Variants in ZNF782 observed in about 807,000 individuals in gnomAD.
ZNF782 encodes zinc finger protein 782.
A neutral mutation model predicts 13.0 loss-of-function variants in ZNF782; 12 were observed. The observed-to-expected ratio is 0.92, with a 90% CI of 0.59 to 1.50. ZNF782 has a LOEUF of 1.50. Among genes scored for constraint, ZNF782 ranks in the 40% most tolerant of loss-of-function variants. The pLI is 0.00. For missense variants in ZNF782, 770 were observed against 822.9 expected, an observed-to-expected ratio of 0.94 and a Z score of 0.79; for synonymous variants, 284 against 283.0, an observed-to-expected ratio of 1.00 and a Z score of -0.04.
Position 96,819,209 on chromosome 9 carries a change from CAT to C in ZNF782, c.812_813del (p.Tyr271Ter), listed in dbSNP as rs1204143928. 1 of 1,611,230 alleles carries C rather than the reference CAT, an allele frequency of 6.2e-7. No homozygotes were observed. The highest frequency in any genetic ancestry group is 8.5e-7 in the Non-Finnish European group (1 of 1,178,946). ...PQNMNPEKSH[Y>X]EFNDTGNCFC... Reference sequence around the variant, plus strand: ...AAACAATTTCCAGTATCATTAAACTCATAGTGACTCTTCTCTGGATTCATGTT... The same window carrying C: ...AAACAATTTCCAGTATCATTAAACTCAGTGACTCTTCTCTGGATTCATGTT... On this transcript the variant is annotated frameshift_variant, in exon 6 of 6. Transcript: ENST00000481138. LOFTEE classifies it low-confidence loss of function (END_TRUNC).
chr9:96,818,596 T>G lies in ZNF782; in HGVS notation c.1427A>C (p.Lys476Thr). Residue 476 changes from lysine (K) to threonine (T), a missense_variant, in exon 6 of 6, where the codon AAA becomes ACA. Coordinates refer to ENST00000481138, the MANE Select transcript of ZNF782 (RefSeq NM_001001662.3). ...CCCGCATTCATTACATTCAAAAGGT[T>G]TCTCCCCTGTGTGAGTTCTCTGATG... ...IVHQRTHTGE[K>T]PFECNECGKS... 1 of 1,614,172 alleles carries G rather than the reference T, an allele frequency of 6.2e-7. No individual in the cohort carries two copies. The highest frequency in any genetic ancestry group is 8.5e-7 in the Non-Finnish European group (1 of 1,180,014).
the ZNF782 span, among the ~76,000 whole-genome samples, chr9:96,927,445 T>G: frequency 6.6e-6 from 1 of 151,856 alleles, no homozygotes; most frequent in African/African-American, 2.4e-5. Flanking sequence ...GTATAATGGC[T>G]ACTCCTGACT....
chr9:96,838,121 A>G (rs1338786724), intron 4 of ZNF782, among the ~76,000 whole-genome samples: 1 of 152,200 alleles, frequency 6.6e-6, no homozygotes, highest in Non-Finnish European at 1.5e-5. Context: ...TCAAAAAATT[A>G]TACTGAGAAT....
chr9:96,817,862 T>C lies in ZNF782; in HGVS notation c.*61A>G, dbSNP rs1331084480. 1 of 1,419,220 alleles carries C rather than the reference T, an allele frequency of 7.0e-7. No individual in the cohort carries two copies. The highest frequency in any genetic ancestry group is 9.5e-7 in the Non-Finnish European group (1 of 1,050,200). 87.9% of individuals were successfully genotyped at this position (1,419,220 alleles called of 1,614,324 possible). A position where few individuals can be genotyped will look rare whatever the true frequency, so the allele number is the denominator to read the frequency against. On this transcript the variant is annotated 3_prime_UTR_variant, in exon 6 of 6. Transcript: ENST00000481138. ...AACAGTTCTCTCCTGTGTGTTCATTTATGTATTGTGAGGTTTGATTTCCAG... is the reference window on the plus strand; with the variant it reads ...AACAGTTCTCTCCTGTGTGTTCATTCATGTATTGTGAGGTTTGATTTCCAG...
At chr9:96,832,890 TATTTC>T (rs1035474559) in intron 4 of ZNF782, among the ~76,000 whole-genome samples, 19 of 152,296 alleles carry the variant, frequency 1.2e-4, no homozygotes, top group East Asian at 5.8e-4. Context: ...TTTTAGCCAT[TATTTC>T]TTTGAATTTT....
rs2296816 is a variant in ZNF782, at chr9:96,868,797, T to C, written c.-457+6671A>G. Among the ~76,000 whole-genome samples the C allele has an allele frequency of 9.2e-3, 1,406 of 152,280 alleles. 53 individuals carry two copies. In the East Asian group the frequency reaches 0.1, roughly 11 times the overall value. ...ATGTGTTCTAATAAACTAGAGCATA[T>C]GACGGCTTTACCACATTTCTTACAT... is the stretch of plus-strand genomic sequence containing the variant. On this transcript the variant is annotated intron_variant, in intron 1 of 5. Coordinates refer to the ZNF782 transcript ENST00000498811.
chr9:96,818,175 C>T lies in ZNF782; in HGVS notation c.1848G>A (p.Lys616=), dbSNP rs534046607. The T allele has an allele frequency of 7.5e-5, 121 of 1,613,194 alleles. 1 individual carries two copies. The South Asian group carries it at 1.2e-3, about 16-fold the overall frequency. The part of the protein sequence containing the change: ...RGHQRTHTGE[K]PYECNECGKA... ...TTCCACATTCATTACATTCATAGGG[C>T]TTCTCCCCAGTGTGAGTTCTCTGAT... The change falls in exon 6 of 6, where the codon AAG becomes AAA. Residue 616 remains lysine, a synonymous_variant. Transcript: ENST00000481138.
chr9:96,865,162 T>A (rs1851742063), intron 1 of ZNF782, among the ~76,000 whole-genome samples: 1 of 152,200 alleles, frequency 6.6e-6, no homozygotes, highest in Non-Finnish European at 1.5e-5. Flanking sequence ...ATCCCCACAT[T>A]CTCTTCTGAC....
chr9:96,818,159 C>T lies in ZNF782; in HGVS notation c.1864G>A (p.Glu622Lys), dbSNP rs935966612. 1 of 1,613,794 alleles carries T rather than the reference C, an allele frequency of 6.2e-7. No homozygotes were observed. Among genetic ancestry groups the T allele is most frequent in the East Asian group, 2.2e-5 (1 of 44,838 alleles). Reference protein sequence around the residue: ...HTGEKPYECNECGKAFSEKSV... With the variant: ...HTGEKPYECNKCGKAFSEKSV... ...TTCTCACTGAAAGCTTTTCCACATTCATTACATTCATAGGGCTTCTCCCCA... is the reference window on the plus strand; with the variant it reads ...TTCTCACTGAAAGCTTTTCCACATTTATTACATTCATAGGGCTTCTCCCCA... The change falls in exon 6 of 6, where the codon GAA (glutamate) becomes AAA (lysine). Residue 622 changes from glutamate (E) to lysine (K), a missense_variant. Transcript: ENST00000481138.
chr9:96,908,377 G>A, the ZNF782 span, among the ~76,000 whole-genome samples: 10 of 152,384 alleles, frequency 6.6e-5, no homozygotes, highest in Admixed American at 2.0e-4. Flanking sequence ...CAGGCACTCA[G>A]TAAATTTTTG....
the ZNF782 span, among the ~76,000 whole-genome samples, chr9:96,923,228 T>C: frequency 6.6e-6 from 1 of 150,510 alleles, no homozygotes; most frequent in Non-Finnish European, 1.5e-5. Context: ...TAAGTATACC[T>C]GCGATTAGCT....
At chr9:96,931,781 A>T in the ZNF782 span, 1 of 1,611,522 alleles carries the variant, frequency 6.2e-7, no homozygotes, top group African/African-American at 1.3e-5. Context: ...GTCTGTGTTC[A>T]CGGCTCTGCC....
chr9:96,899,645 A>G, the ZNF782 span, among the ~76,000 whole-genome samples: 1 of 152,174 alleles, frequency 6.6e-6, no homozygotes, highest in East Asian at 1.9e-4. Flanking sequence ...TTTTTCCACT[A>G]AAGGCCTGGT....
chr9:96,834,985 C>T (rs1445734758), intron 4 of ZNF782, among the ~76,000 whole-genome samples: 1 of 152,150 alleles, frequency 6.6e-6, no homozygotes, highest in African/African-American at 2.4e-5. Context: ...GAACAAAATG[C>T]TGCTAGAAAT....
chr9:96,844,841 A>G (rs1588165130), intron 4 of ZNF782, 49 bp downstream of exon 4: 2 of 1,613,108 alleles, frequency 1.2e-6, no homozygotes, highest in African/African-American at 2.7e-5. Context: ...GAAAGAGAGG[A>G]GAAACAGAAC....
At chr9:96,875,705 C>A (rs1384724572), upstream of ZNF782, 2 of 415,322 alleles carry the variant, frequency 4.8e-6, no homozygotes, top group African/African-American at 4.1e-5. Context: ...TGGGGTCCCC[C>A]CGGGCTTCCC....
the ZNF782 span, among the ~76,000 whole-genome samples, chr9:96,885,981 G>T: frequency 2.6e-5 from 4 of 152,062 alleles, no homozygotes; most frequent in Non-Finnish European, 4.4e-5. Flanking sequence ...CCAAGCAGCT[G>T]GGACCACAGG....
chr9:96,905,982 G>A, the ZNF782 span, among the ~76,000 whole-genome samples: 7,383 of 151,908 alleles, frequency 0.049, 155 homozygotes, highest in African/African-American at 0.16. Flanking sequence ...CTTGGGCTCT[G>A]GGTCAGGACC....
the ZNF782 span, among the ~76,000 whole-genome samples, chr9:96,911,580 G>C: frequency 6.8e-6 from 1 of 147,004 alleles, no homozygotes; most frequent in African/African-American, 2.5e-5. Context: ...GAGTGCAGTG[G>C]CGCGATCTCG....
Sources: gnomAD v4.1 joint callset for allele counts (sites outside exome capture counted in the v4.1 genomes callset) on GRCh38, gnomAD v4.1.1 for gene constraint, MANE v1.5 for transcripts, NCBI Gene and HGNC (gene_info 2026-07-23, HGNC 2026-07-21) for gene names.